SLMAP: variants seen among roughly 807,000 people sequenced by gnomAD.
The protein encoded by SLMAP is sarcolemma associated protein, also known as sarcolemmal membrane-associated protein.
In SLMAP, 44 loss-of-function variants were observed where a neutral mutation model predicts 128.8. That is an observed-to-expected ratio of 0.34 (90% CI 0.27 to 0.44). The LOEUF (loss-of-function observed/expected upper bound fraction) is 0.44, where lower values mean the gene tolerates loss of function less well. SLMAP is among the 20% of genes least tolerant of loss of function. SLMAP has a pLI of 1.00. For synonymous variants in SLMAP, 327 were observed against 348.8 expected (o/e 0.94, Z 0.70); for missense variants, 787 against 985.3 (o/e 0.80, Z 2.69).
chr3:57,828,040 C>G (rs1020742493), intron 2 of SLMAP, among the ~76,000 whole-genome samples: 1 of 152,186 alleles, frequency 6.6e-6, no homozygotes, highest in African/African-American at 2.4e-5. Flanking sequence ...CCTCTGCCCC[C>G]CAGATTCAAG....
intron 2 of SLMAP, among the ~76,000 whole-genome samples, chr3:57,823,406 T>G (rs1286172403): frequency 6.6e-6 from 1 of 151,966 alleles, no homozygotes; most frequent in East Asian, 1.9e-4. Context: ...GTGTGTGATG[T>G]TCCCTTCCTG....
intron 15 of SLMAP, among the ~76,000 whole-genome samples, chr3:57,895,693 G>C (rs1224914011): frequency 2.6e-5 from 4 of 151,886 alleles, no homozygotes; most frequent in Non-Finnish European, 4.4e-5. Flanking sequence ...TGTAATTCTA[G>C]TGCTTTGGGA....
chr3:57,763,806 A>G (rs1234572916), intron 2 of SLMAP, among the ~76,000 whole-genome samples: 1 of 152,186 alleles, frequency 6.6e-6, no homozygotes, highest in African/African-American at 2.4e-5. Context: ...TTAGGGGTGG[A>G]TAGATAAGAA....
At chr3:57,868,815 TATATATAA>T (rs2095379488) in intron 13 of SLMAP, among the ~76,000 whole-genome samples, 1 of 104,586 alleles carries the variant, frequency 9.6e-6, no homozygotes, top group African/African-American at 3.8e-5. Context: ...TATATATATA[TATATATAA>T]AATATATATA....
At chr3:57,854,227 A>C (rs1442670679) in intron 6 of SLMAP, among the ~76,000 whole-genome samples, 1 of 151,256 alleles carries the variant, frequency 6.6e-6, no homozygotes, top group African/African-American at 2.4e-5. Context: ...ATTACTGCTA[A>C]GTGTTATATA....
chr3:57,816,133 G>T (rs2091826312), intron 2 of SLMAP, among the ~76,000 whole-genome samples: 1 of 150,822 alleles, frequency 6.6e-6, no homozygotes, highest in African/African-American at 2.5e-5. Flanking sequence ...GTTTGTGTTT[G>T]TTTGTTTGTT....
intron 2 of SLMAP, among the ~76,000 whole-genome samples, chr3:57,795,575 A>C (rs2086540839): frequency 6.6e-6 from 1 of 152,144 alleles, no homozygotes; most frequent in Non-Finnish European, 1.5e-5. Context: ...TTGGATTATC[A>C]GTTGTATATT....
intron 2 of SLMAP, among the ~76,000 whole-genome samples, chr3:57,811,603 A>G (rs959940117): frequency 2.0e-5 from 3 of 152,222 alleles, no homozygotes; most frequent in African/African-American, 7.2e-5. Context: ...CTATATACCC[A>G]GAAAGGGAAT....
At chr3:57,756,493 A>AGGCG (rs2077722438) in intron 1 of SLMAP, 55 bp from the exon 2 acceptor site, 1 of 152,442 alleles carries the variant, frequency 6.6e-6, no homozygotes, top group Non-Finnish European at 1.5e-5. Flanking sequence ...GCGACGGCTG[A>AGGCG]GGCGGGCGGG....
At chr3:57,817,532 T>A (rs1158352682) in intron 2 of SLMAP, among the ~76,000 whole-genome samples, 1 of 152,208 alleles carries the variant, frequency 6.6e-6, no homozygotes, top group Non-Finnish European at 1.5e-5. Flanking sequence ...TTGTTTAGGA[T>A]TGGGAATACC....
chr3:57,870,318 C>G (rs1048597668), intron 13 of SLMAP, among the ~76,000 whole-genome samples: 2 of 151,982 alleles, frequency 1.3e-5, no homozygotes, highest in African/African-American at 4.8e-5. Context: ...TTTTGCTTTT[C>G]CTGGATCCAG....
rs576015030 is a variant in SLMAP, at chr3:57,875,737, G to A, written c.1300+4039G>A. Among the ~76,000 whole-genome samples, 7 of 152,244 alleles carry A rather than the reference G, an allele frequency of 4.6e-5. No individual in the cohort carries two copies. The South Asian group carries it at 1.2e-3, about 27-fold the overall frequency. ...ATTTCAAAACTTTCCAAATCTGTTCGTTTCCTTAAATTTGGGTAACCAGAG... is the reference window on the plus strand; with the variant it reads ...ATTTCAAAACTTTCCAAATCTGTTCATTTCCTTAAATTTGGGTAACCAGAG... On this transcript the variant is annotated intron_variant, in intron 14 of 24. Transcript: ENST00000671191.
At chr3:57,923,831 A>C (rs1185326775) in intron 23 of SLMAP, among the ~76,000 whole-genome samples, 4 of 152,330 alleles carry the variant, frequency 2.6e-5, no homozygotes, top group East Asian at 3.9e-4. Context: ...CGTGTTACTC[A>C]TTTGCACACA....
rs1575931941 is a variant in SLMAP at position 57,757,580 on chromosome 3, G to T, written c.-72G>T. The T allele has an allele frequency of 3.4e-6, 5 of 1,476,212 alleles. No homozygotes were observed. Among genetic ancestry groups the T allele is most frequent in the African/African-American group, 1.4e-5 (1 of 71,910 alleles). The allele number at this position is 1,476,212 out of a possible 1,614,324, so 91.4% of individuals were successfully genotyped here. A position where few individuals can be genotyped will look rare whatever the true frequency, so the allele number is the denominator to read the frequency against. ...TTGGGTGGGATAGGGGCATAGGCTTGTGAAGGGCAGTCCGGATCCGGAGGA... is the reference window on the plus strand; with the variant it reads ...TTGGGTGGGATAGGGGCATAGGCTTTTGAAGGGCAGTCCGGATCCGGAGGA... On this transcript the variant is annotated 5_prime_UTR_variant, in exon 2 of 25. Transcript: ENST00000671191.
At chr3:57,909,965 G>A (rs1212728896) in intron 19 of SLMAP, among the ~76,000 whole-genome samples, 2 of 149,572 alleles carry the variant, frequency 1.3e-5, no homozygotes, top group African/African-American at 2.5e-5. Context: ...CAGTACTCTC[G>A]TATTAGACAC....
chr3:57,773,770 G>A (rs373926021), intron 2 of SLMAP, among the ~76,000 whole-genome samples: 32 of 152,234 alleles, frequency 2.1e-4, no homozygotes, highest in African/African-American at 7.0e-4. Flanking sequence ...TGAAGATTCC[G>A]AAGTATTAAT....
chr3:57,928,757 G>A lies in SLMAP; in HGVS notation c.*1468G>A, dbSNP rs1443703281. ...AGCCAAATATTGAAATAGGAGTTTA[G>A]GGTATAATTTGCCTTGTGATGTTTG... On this transcript the variant is annotated 3_prime_UTR_variant, in exon 25 of 25. Transcript: ENST00000671191. The A allele has an allele frequency of 6.6e-6, 1 of 152,234 alleles. No individual in the cohort carries two copies. The highest frequency in any genetic ancestry group is 2.4e-5 in the African/African-American group (1 of 41,434). The allele number at this position is 152,234 out of a possible 1,614,324, so 9.4% of individuals were successfully genotyped here. A position where few individuals can be genotyped will look rare whatever the true frequency, so the allele number is the denominator to read the frequency against.
Position 57,913,234 on chromosome 3 carries a change from G to T in SLMAP, c.2097G>T (p.Leu699Phe). 6.3e-7 allele frequency: 1 copy of T among 1,596,514 alleles called. No individual in the cohort carries two copies. The highest frequency in any genetic ancestry group is 8.6e-7 in the Non-Finnish European group (1 of 1,167,258). Residue 699 changes from leucine (L) to phenylalanine (F), a missense_variant, in exon 21 of 25, where the codon TTG (leucine) becomes TTT (phenylalanine). Around this residue, in one of 2 missense-constraint regions of SLMAP, gnomAD observed 715 missense variants for 843.6 expected, o/e 0.85. Coordinates refer to ENST00000671191, the MANE Select transcript of SLMAP (RefSeq NM_001377540.1). ...ATTCTCTAAAAAGGGAAAATGTTTT[G>T]CTATCATCAGAACTGCAACGGCAAG... ...ECHSLKRENVLLSSELQRQEK... is the reference protein window; with the variant it reads ...ECHSLKRENVFLSSELQRQEK...
At chr3:57,906,310 C>CA (rs2096547779) in intron 17 of SLMAP, among the ~76,000 whole-genome samples, 1 of 47,048 alleles carries the variant, frequency 2.1e-5, no homozygotes, top group Non-Finnish European at 4.2e-5. Context: ...CTTTTTTTTT[C>CA]TTTTTTTTTT....
Sources: allele counts gnomAD v4.1 joint callset (sites outside exome capture counted in the v4.1 genomes callset), GRCh38; gene constraint gnomAD v4.1.1; regional missense constraint gnomAD v4.1.1; transcripts MANE v1.5; gene names NCBI Gene and HGNC (gene_info 2026-07-23, HGNC 2026-07-21).